The following RTN3 variants were observed in gnomAD, a reference collection of about 807,000 sequenced individuals.
RTN3 encodes the protein reticulon 3.
In RTN3, 49 loss-of-function variants were observed where a neutral mutation model predicts 77.8. The ratio of observed to expected loss-of-function variants is 0.63; its 90% CI spans 0.50 to 0.80. The LOEUF (loss-of-function observed/expected upper bound fraction) is 0.80. Among genes scored for constraint, RTN3 ranks in the 30% least tolerant of loss-of-function variants. RTN3 has a pLI of 0.00. For missense variants in RTN3, 1,236 were observed against 1,211.9 expected (o/e 1.02, Z -0.29); for synonymous variants, 464 against 446.9 (o/e 1.04, Z -0.48).
intron 3 of RTN3, among the ~76,000 whole-genome samples, chr11:63,735,213 C>T (rs1304892755): frequency 1.3e-5 from 2 of 152,104 alleles, no homozygotes; most frequent in African/African-American, 2.4e-5. Context: ...TGGTCTCGAA[C>T]TCCCAACCTC....
In RTN3 at chr11:63,759,238, T is replaced by G. The variant is rs901320375; in HGVS notation, c.*1037T>G. 14 of 152,190 alleles carry G rather than the reference T, an allele frequency of 9.2e-5. No individual in the cohort carries two copies. The highest frequency in any genetic ancestry group is 1.8e-4 in the Non-Finnish European group (12 of 68,036). The allele number at this position is 152,190 out of a possible 1,614,324, so 9.4% of individuals were successfully genotyped here. On this transcript the variant is annotated 3_prime_UTR_variant, in exon 9 of 9. Coordinates refer to ENST00000377819, the MANE Select transcript of RTN3 (RefSeq NM_001265589.2). ...CGAGATTCAAATCTCCGATTCCCAT[T>G]TGGGGGCAAGTTTTTTTCTTCACCT...
Position 63,681,508 on chromosome 11 carries a change from G to A in RTN3, c.-129G>A, listed in dbSNP as rs1941030828. 1.1e-5 allele frequency: 11 copies of A among 968,858 alleles called. No homozygotes were observed. The highest frequency in any genetic ancestry group is 1.6e-5 in the Non-Finnish European group (11 of 688,090). 60.0% of individuals were successfully genotyped at this position (968,858 alleles called of 1,614,324 possible). On this transcript the variant is annotated 5_prime_UTR_variant, in exon 1 of 9. Transcript: ENST00000377819. ...GCTCGGCTGAGTCAGTCAGTCTGTCGGAGTCTGTCCTCGGAGCAGGCGGAG... is the reference window on the plus strand; with the variant it reads ...GCTCGGCTGAGTCAGTCAGTCTGTCAGAGTCTGTCCTCGGAGCAGGCGGAG...
intron 3 of RTN3, among the ~76,000 whole-genome samples, chr11:63,724,088 T>G (rs1033948401): frequency 4.0e-4 from 61 of 151,906 alleles, no homozygotes; most frequent in African/African-American, 1.4e-3. Flanking sequence ...GTGAAGTACA[T>G]GTAAATTGTT....
intron 1 of RTN3, 30 bp downstream of exon 1, chr11:63,681,808 GA>G: frequency 6.6e-7 from 1 of 1,513,474 alleles, no homozygotes. Context: ...CCCGCCCTGG[GA>G]AAGAGGGCGA....
At chr11:63,724,726 C>T (rs962604889) in intron 3 of RTN3, among the ~76,000 whole-genome samples, 4 of 151,002 alleles carry the variant, frequency 2.6e-5, no homozygotes, top group Middle Eastern at 3.6e-3. Flanking sequence ...CTCCTGACCT[C>T]GTGATCCGCC....
Position 63,735,387 on chromosome 11 carries a change from G to A in RTN3, c.2530+14355G>A, listed in dbSNP as rs369173423. ...TTTAGCTAAAAAAGTACTTAAGACC[G>A]CAGTACTAAAAGCTACCAAACACTG... On this transcript the variant is annotated intron_variant, in intron 3 of 8. Transcript: ENST00000377819. 6.6e-5 allele frequency among the ~76,000 whole-genome samples: 10 copies of A among 152,132 alleles called. No homozygotes were observed. In the South Asian group the frequency reaches 2.1e-3, roughly 32 times the overall value.
chr11:63,754,950 A>G (rs2014298419), intron 7 of RTN3, among the ~76,000 whole-genome samples: 1 of 137,500 alleles, frequency 7.3e-6, no homozygotes, highest in African/African-American at 2.7e-5. Context: ...AAAAATGCTT[A>G]GATGAATAAA....
At chr11:63,721,574 CAAA>C (rs768609092) in intron 3 of RTN3, among the ~76,000 whole-genome samples, 28 of 55,512 alleles carry the variant, frequency 5.0e-4, no homozygotes, top group African/African-American at 1.3e-3. Flanking sequence ...GACTCTGTCT[CAAA>C]AAAAAAAAAA....
chr11:63,741,593 G>A (rs1032858230), intron 3 of RTN3, among the ~76,000 whole-genome samples: 3 of 151,488 alleles, frequency 2.0e-5, no homozygotes. Flanking sequence ...TCTGCCTCCC[G>A]GGTTCAAGTG....
intron 3 of RTN3, among the ~76,000 whole-genome samples, chr11:63,729,319 A>G (rs968478938): frequency 6.6e-6 from 1 of 151,922 alleles, no homozygotes; most frequent in Non-Finnish European, 1.5e-5. Flanking sequence ...TAAAATATAT[A>G]GGATTGCTTA....
chr11:63,689,006 T>G (rs7130235), intron 1 of RTN3, among the ~76,000 whole-genome samples: 1,711 of 152,286 alleles, frequency 0.011, 33 homozygotes, highest in African/African-American at 0.038. Context: ...AAAGGCTTCA[T>G]TAAGTAAGTA....
intron 2 of RTN3, among the ~76,000 whole-genome samples, chr11:63,717,167 TACAA>T (rs1411775231): frequency 1.1e-4 from 17 of 151,546 alleles, no homozygotes; most frequent in Admixed American, 9.2e-4. Context: ...CTCTCTCAAA[TACAA>T]ACAAACAAAT....
At chr11:63,732,429 CCT>C (rs1165531429) in intron 3 of RTN3, among the ~76,000 whole-genome samples, 1 of 151,958 alleles carries the variant, frequency 6.6e-6, no homozygotes, top group Admixed American at 6.6e-5. Context: ...CCCACCTTGG[CCT>C]CCTAAAGCGC....
At chr11:63,714,474 ATCTTTTT>A (rs1374524826) in intron 2 of RTN3, 1 of 149,254 alleles carries the variant, frequency 6.7e-6, no homozygotes, top group Non-Finnish European at 1.5e-5. Context: ...TGTCATATTA[ATCTTTTT>A]TCTTTTTTCC....
chr11:63,706,889 CTTTTCTT>C (rs1245320886), intron 2 of RTN3, among the ~76,000 whole-genome samples: 1 of 148,400 alleles, frequency 6.7e-6, no homozygotes, highest in African/African-American at 2.5e-5. Flanking sequence ...TATTTTTTTT[CTTTTCTT>C]TTTTCTTTTT....
intron 3 of RTN3, among the ~76,000 whole-genome samples, chr11:63,736,200 T>C (rs2013108406): frequency 6.6e-6 from 1 of 152,082 alleles, no homozygotes; most frequent in Non-Finnish European, 1.5e-5. Flanking sequence ...TCCCTGGATG[T>C]CAGCTGGGGA....
intron 1 of RTN3, among the ~76,000 whole-genome samples, chr11:63,695,363 A>G (rs1252116592): frequency 1.3e-5 from 2 of 152,198 alleles, no homozygotes; most frequent in Non-Finnish European, 2.9e-5. Flanking sequence ...TATGTTAGCT[A>G]TAAATGAATA....
chr11:63,730,495 T>G (rs1481276065), intron 3 of RTN3, among the ~76,000 whole-genome samples: 1 of 152,160 alleles, frequency 6.6e-6, no homozygotes, highest in Non-Finnish European at 1.5e-5. Flanking sequence ...AAGCAAAAAT[T>G]GACAGAATTG....
In RTN3 at chr11:63,682,361, C is replaced by T. The variant is rs189268338; in HGVS notation, c.142+583C>T. ...TTTGTTTTGTTTTTACTGTTTTCGG[C>T]TAGACTCCATGAATGCCGGATTTTT... On this transcript the variant is annotated intron_variant, in intron 1 of 8. Coordinates refer to ENST00000377819, the MANE Select transcript of RTN3 (RefSeq NM_001265589.2). Among the ~76,000 whole-genome samples, 16 of 152,120 alleles carry T rather than the reference C, an allele frequency of 1.1e-4. No individual in the cohort carries two copies. The East Asian group carries it at 2.7e-3, about 26-fold the overall frequency.
Sources: allele counts gnomAD v4.1 joint callset (sites outside exome capture counted in the v4.1 genomes callset), GRCh38; gene constraint gnomAD v4.1.1; transcripts MANE v1.5; gene names NCBI Gene and HGNC (gene_info 2026-07-23, HGNC 2026-07-21).